The following MYH11 variants were observed in gnomAD, a reference collection of about 807,000 sequenced individuals.
MYH11 encodes the protein myosin heavy chain 11.
In MYH11, 80 loss-of-function variants were observed where a neutral mutation model predicts 246.6. The observed-to-expected ratio is 0.32, with a 90% CI of 0.27 to 0.39. The LOEUF (loss-of-function observed/expected upper bound fraction) is 0.39, where lower values mean the gene tolerates loss of function less well. Among genes scored for constraint, MYH11 ranks in the 10% least tolerant of loss-of-function variants. MYH11 has a pLI of 1.00. For missense variants in MYH11, 2,158 were observed against 2,546.8 expected (o/e 0.85, Z 3.29); for synonymous variants, 1,071 against 1,015.5 (o/e 1.05, Z -1.04).
intron 19 of MYH11, among the ~76,000 whole-genome samples, chr16:15,747,105 G>GAAGA (rs1385160090): frequency 1.3e-5 from 2 of 151,822 alleles, no homozygotes; most frequent in Non-Finnish European, 2.9e-5. Context: ...CAAAAAGGAA[G>GAAGA]AAGAAAGGAA....
chr16:15,803,793 C>A (rs1452491138), intron 3 of MYH11, among the ~76,000 whole-genome samples: 1 of 152,158 alleles, frequency 6.6e-6, no homozygotes, highest in Non-Finnish European at 1.5e-5. Context: ...GCTCACAGGG[C>A]CCCCAGGAGA....
intron 40 of MYH11, among the ~76,000 whole-genome samples, chr16:15,704,772 C>T (rs2039359519): frequency 6.6e-6 from 1 of 152,224 alleles, no homozygotes; most frequent in South Asian, 2.1e-4. Context: ...GATCGTGGAA[C>T]ATACCGCACA....
At chr16:15,808,234 G>T (rs558644575) in intron 3 of MYH11, among the ~76,000 whole-genome samples, 1 of 152,284 alleles carries the variant, frequency 6.6e-6, no homozygotes, top group East Asian at 1.9e-4. Context: ...CTTGACGGTG[G>T]GTCCTCGGCA....
chr16:15,824,509 G>A (rs1185359179), intron 2 of MYH11, among the ~76,000 whole-genome samples: 4 of 152,156 alleles, frequency 2.6e-5, no homozygotes, highest in African/African-American at 9.7e-5. Context: ...TCGAACTCCT[G>A]AGCTGAGGTG....
chr16:15,773,773 CCTTAAAGT>C (rs1567749514), intron 8 of MYH11, among the ~76,000 whole-genome samples: 2 of 152,160 alleles, frequency 1.3e-5, no homozygotes, highest in Non-Finnish European at 2.9e-5. Flanking sequence ...GCCATCTGGT[CCTTAAAGT>C]CTAAAACGTT....
chr16:15,811,675 C>T (rs969307880), intron 3 of MYH11, among the ~76,000 whole-genome samples: 7 of 151,922 alleles, frequency 4.6e-5, no homozygotes, highest in African/African-American at 1.7e-4. Flanking sequence ...CAGGGGGCTG[C>T]CAATCTCAAG....
chr16:15,823,420 A>G lies in MYH11; in HGVS notation c.346-9T>C. 1.2e-6 allele frequency: 2 copies of G among 1,614,208 alleles called. No individual in the cohort carries two copies. Among genetic ancestry groups the G allele is most frequent in the Non-Finnish European group, 1.7e-6 (2 of 1,180,038 alleles). On this transcript the variant is annotated splice_polypyrimidine_tract_variant and intron_variant, in intron 2 of 40. Coordinates refer to ENST00000300036, the MANE Select transcript of MYH11 (RefSeq NM_002474.3). ...AAGAGGCCAGAGTACGTCTGCAGAC[A>G]GAGAACCCAGCTTACTTCCAGACCT...
chr16:15,826,401 A>G (rs578027438), intron 2 of MYH11, among the ~76,000 whole-genome samples: 3 of 152,194 alleles, frequency 2.0e-5, no homozygotes, highest in Admixed American at 2.0e-4. Context: ...CAGCTTGGGC[A>G]GCACAGTGAG....
intron 4 of MYH11, among the ~76,000 whole-genome samples, chr16:15,795,802 G>T (rs2151319031): frequency 6.6e-6 from 1 of 152,274 alleles, no homozygotes; most frequent in African/African-American, 2.4e-5. Context: ...CAACCCAATG[G>T]GGTGCTTATT....
chr16:15,793,768 C>T (rs1252383698), intron 4 of MYH11, among the ~76,000 whole-genome samples: 25 of 149,066 alleles, frequency 1.7e-4, no homozygotes, highest in East Asian at 7.8e-4. Flanking sequence ...TACAGGCACC[C>T]GCCACCATGC....
chr16:15,809,181 A>G (rs1013130541), intron 3 of MYH11, among the ~76,000 whole-genome samples: 8 of 152,196 alleles, frequency 5.3e-5, no homozygotes, highest in Admixed American at 1.3e-4. Context: ...GGATGATTCA[A>G]TTCGTATTTA....
chr16:15,725,889 T>TA (rs1320564133), intron 28 of MYH11: 2 of 391,106 alleles, frequency 5.1e-6, no homozygotes, highest in Non-Finnish European at 9.0e-6. Flanking sequence ...AACATACATG[T>TA]AATAGGTTCT....
chr16:15,807,118 C>G (rs741715), intron 3 of MYH11, among the ~76,000 whole-genome samples: 29 of 152,106 alleles, frequency 1.9e-4, no homozygotes, highest in Middle Eastern at 3.4e-3. Context: ...CATGCCACTA[C>G]GCCTGGCTAA....
chr16:15,808,136 G>T (rs940891491), intron 3 of MYH11, among the ~76,000 whole-genome samples: 12 of 152,230 alleles, frequency 7.9e-5, no homozygotes, highest in African/African-American at 2.9e-4. Flanking sequence ...CAGAAAAGTG[G>T]CTCTCTACCT....
chr16:15,807,831 C>A (rs191104508), intron 3 of MYH11, among the ~76,000 whole-genome samples: 3 of 152,206 alleles, frequency 2.0e-5, no homozygotes, highest in African/African-American at 7.2e-5. Context: ...GTTCCTCCCC[C>A]GCTGTGGGCC....
At chr16:15,851,577 C>G (rs2044330130) in intron 1 of MYH11, among the ~76,000 whole-genome samples, 1 of 152,006 alleles carries the variant, frequency 6.6e-6, no homozygotes, top group Non-Finnish European at 1.5e-5. Flanking sequence ...CCTTTCTTGC[C>G]CCTGACCCTA....
intron 40 of MYH11, among the ~76,000 whole-genome samples, chr16:15,710,280 T>C (rs544177730): frequency 5.9e-5 from 9 of 152,182 alleles, no homozygotes; most frequent in African/African-American, 1.9e-4. Flanking sequence ...CCCAGCACTT[T>C]GGGAGACCGA....
intron 2 of MYH11, 132 bp from the exon 3 acceptor site, chr16:15,823,543 C>G: frequency 8.8e-7 from 1 of 1,142,050 alleles, no homozygotes; most frequent in South Asian, 1.3e-5. Context: ...CTGGGCCTCA[C>G]TGATATTCCA....
Position 15,703,141 on chromosome 16 carries a change from T to C in MYH11, c.*850A>G. 1 of 185,104 alleles carries C rather than the reference T, an allele frequency of 5.4e-6. No individual in the cohort carries two copies. 11.5% of individuals were successfully genotyped at this position (185,104 alleles called of 1,614,324 possible). A position where few individuals can be genotyped will look rare whatever the true frequency, so the allele number is the denominator to read the frequency against. ...AACAGAAAAGCCAACGACATTGTGA[T>C]TTATAACCATTTATTAGTGAAAGTG... is the stretch of plus-strand genomic sequence containing the variant. On this transcript the variant is annotated 3_prime_UTR_variant, in exon 41 of 41. Transcript: ENST00000300036.
Sources: gnomAD v4.1 joint callset for allele counts (sites outside exome capture counted in the v4.1 genomes callset) on GRCh38, gnomAD v4.1.1 for gene constraint, MANE v1.5 for transcripts, NCBI Gene and HGNC (gene_info 2026-07-23, HGNC 2026-07-21) for gene names.